Variants in ADAMTS9 observed in about 807,000 individuals in gnomAD.
The protein encoded by ADAMTS9 is A disintegrin and metalloproteinase with thrombospondin motifs 9.
A neutral mutation model predicts 257.1 loss-of-function variants in ADAMTS9; 107 were observed. The observed-to-expected ratio is 0.42, with a 90% confidence interval of 0.36 to 0.49. The LOEUF is 0.49. Ranked by LOEUF, ADAMTS9 falls within the 20% of genes least tolerant of loss-of-function variation. ADAMTS9 has a pLI of 0.03. For synonymous variants in ADAMTS9, 982 were observed against 880.9 expected, an observed-to-expected ratio of 1.11 and a Z score of -2.03; for missense variants, 2,353 against 2,469.1, an observed-to-expected ratio of 0.95 and a Z score of 1.00.
rs1701048961 is a variant in ADAMTS9, at chr3:64,655,613, C to T, written c.1132G>A (p.Gly378Ser). 6.2e-7 allele frequency: 1 copy of T among 1,614,056 alleles called. No individual in the cohort carries two copies. The highest frequency in any genetic ancestry group is 1.3e-5 in the African/African-American group (1 of 75,016). The change falls in exon 6 of 40, where the codon GGT becomes AGT. Residue 378 changes from glycine (G) to serine (S), a missense_variant. Gly to Ser is a moderately conservative substitution (Grantham distance 56). Around this residue, in one of 3 missense-constraint regions of ADAMTS9, gnomAD observed 591 missense variants for 569.6 expected, o/e 1.04. Coordinates refer to ENST00000498707, the MANE Select transcript of ADAMTS9 (RefSeq NM_182920.2). ...ACAGCAGTATCATGATGGATTCCACCTGGACTGTTCTTCGAATGCTGCCAC... is the reference window on the plus strand; with the variant it reads ...ACAGCAGTATCATGATGGATTCCACTTGGACTGTTCTTCGAATGCTGCCAC... ...CQWQHSKNSPGGIHHDTAVLL... is the reference protein window; with the variant it reads ...CQWQHSKNSPSGIHHDTAVLL...
intron 38 of ADAMTS9, among the ~76,000 whole-genome samples, chr3:64,526,049 A>T (rs4688474): frequency 0.68 from 99,584 of 146,700 alleles, 38,094 homozygotes; most frequent in Non-Finnish European, 0.86. Context: ...TTATAATCTT[A>T]TGTGTGATAT....
rs2083115217 is a variant in ADAMTS9, at chr3:64,541,094, C to T, written c.5521+1G>A. The T allele has an allele frequency of 1.2e-6, 2 of 1,613,928 alleles. No individual in the cohort carries two copies. Among genetic ancestry groups the T allele is most frequent in the Non-Finnish European group, 1.7e-6 (2 of 1,179,842 alleles). On this transcript the variant is annotated splice_donor_variant, in intron 36 of 39. Coordinates refer to ENST00000498707, the MANE Select transcript of ADAMTS9 (RefSeq NM_182920.2). LOFTEE classifies it high-confidence loss of function. The stretch of plus-strand genomic sequence containing the variant: ...TCCCAAAGGACTCCTCACTAACTTA[C>T]TGATTATCTGCATGCTGGTCAGGTC...
chr3:64,677,004 T>C (rs572881953), intron 3 of ADAMTS9, among the ~76,000 whole-genome samples: 1 of 152,242 alleles, frequency 6.6e-6, no homozygotes. Context: ...TTGTGCAAAA[T>C]TCAGGGTCAA....
chr3:64,631,719 A>T, intron 15 of ADAMTS9, 89 bp downstream of exon 15: 1 of 1,293,058 alleles, frequency 7.7e-7, no homozygotes, highest in South Asian at 1.2e-5. Context: ...TTTATGCTCG[A>T]CATTAATATT....
chr3:64,639,601 T>C (rs147591523), intron 12 of ADAMTS9, among the ~76,000 whole-genome samples: 1 of 152,290 alleles, frequency 6.6e-6, no homozygotes, highest in East Asian at 1.9e-4. Flanking sequence ...GAATGGAATA[T>C]CCTTGAGTCA....
intron 31 of ADAMTS9, among the ~76,000 whole-genome samples, chr3:64,548,657 G>A (rs2083232568): frequency 6.6e-6 from 1 of 152,132 alleles, no homozygotes; most frequent in African/African-American, 2.4e-5. Flanking sequence ...AATATGGTCA[G>A]GCTAAACACA....
At chr3:64,637,917 T>C (rs1456048529) in intron 12 of ADAMTS9, among the ~76,000 whole-genome samples, 2 of 152,214 alleles carry the variant, frequency 1.3e-5, no homozygotes, top group African/African-American at 4.8e-5. Flanking sequence ...TAACCAATTC[T>C]CAACATTTCG....
intron 11 of ADAMTS9, among the ~76,000 whole-genome samples, chr3:64,647,178 T>A (rs570017471): frequency 4.3e-4 from 65 of 152,126 alleles, no homozygotes; most frequent in African/African-American, 1.5e-3. Flanking sequence ...AAGTTACAGA[T>A]AGAATGCCAA....
At chr3:64,658,865 T>A (rs1701154107) in intron 3 of ADAMTS9, 74 bp from the exon 4 acceptor site, 1 of 1,452,876 alleles carries the variant, frequency 6.9e-7, no homozygotes, top group East Asian at 2.3e-5. Flanking sequence ...ATTTGACACA[T>A]TTTAAATTGA....
intron 39 of ADAMTS9, among the ~76,000 whole-genome samples, chr3:64,518,728 C>G (rs1360109538): frequency 6.8e-6 from 1 of 146,126 alleles, no homozygotes; most frequent in Non-Finnish European, 1.5e-5. Context: ...GTAGGACACT[C>G]TGAGTTCTGC....
Position 64,621,137 on chromosome 3 carries a change from G to C in ADAMTS9, c.2790C>G (p.Pro930=). The change falls in exon 19 of 40, where the codon CCC becomes CCG. Residue 930 remains proline (P), a synonymous_variant. Coordinates refer to ENST00000498707, the MANE Select transcript of ADAMTS9 (RefSeq NM_182920.2). ...ACCTCAGGTCACAGTCTGTACCACA[G>C]GGTTCAGTAATGTGTCCAGGCTGGG... The part of the protein sequence containing the change: ...RLPQPGHITE[P]CGTDCDLRWH... The C allele has an allele frequency of 6.2e-7, 1 of 1,613,636 alleles. No homozygotes were observed. Among genetic ancestry groups the C allele is most frequent in the Non-Finnish European group, 8.5e-7 (1 of 1,179,760 alleles).
At chr3:64,626,616 C>T (rs1700227752) in intron 16 of ADAMTS9, among the ~76,000 whole-genome samples, 1 of 152,108 alleles carries the variant, frequency 6.6e-6, no homozygotes, top group African/African-American at 2.4e-5. Flanking sequence ...GTAATGGGTA[C>T]TCTAAAAGCT....
chr3:64,670,303 A>C (rs1268209496), intron 3 of ADAMTS9, among the ~76,000 whole-genome samples: 1 of 152,188 alleles, frequency 6.6e-6, no homozygotes, highest in Non-Finnish European at 1.5e-5. Flanking sequence ...CAAAAAGTAC[A>C]CTGGTTGGAC....
At chr3:64,660,040 C>G (rs1017331541) in intron 3 of ADAMTS9, among the ~76,000 whole-genome samples, 3 of 152,240 alleles carry the variant, frequency 2.0e-5, no homozygotes, top group East Asian at 3.9e-4. Flanking sequence ...GCATCATCAA[C>G]TATGCAATAA....
At chr3:64,671,555 A>G (rs1331986754) in intron 3 of ADAMTS9, among the ~76,000 whole-genome samples, 3 of 152,258 alleles carry the variant, frequency 2.0e-5, no homozygotes, top group East Asian at 1.9e-4. Context: ...TCTCAAGCCA[A>G]TAACATTAAC....
At chr3:64,626,286 C>T (rs1360656794) in intron 16 of ADAMTS9, among the ~76,000 whole-genome samples, 1 of 152,122 alleles carries the variant, frequency 6.6e-6, no homozygotes, top group South Asian at 2.1e-4. Context: ...CAGGTGGCTC[C>T]TAATCATGGA....
intron 22 of ADAMTS9, among the ~76,000 whole-genome samples, chr3:64,608,165 C>G (rs1205791522): frequency 1.6e-5 from 2 of 124,272 alleles, no homozygotes; most frequent in Non-Finnish European, 3.1e-5. Context: ...AACACCTACA[C>G]TAATAAAGAA....
intron 39 of ADAMTS9, among the ~76,000 whole-genome samples, chr3:64,519,869 C>T (rs1162882629): frequency 1.3e-5 from 2 of 152,044 alleles, no homozygotes; most frequent in African/African-American, 4.8e-5. Context: ...AAGCATTCCT[C>T]CTAAGAATGG....
chr3:64,542,715 C>G (rs1446165360), intron 32 of ADAMTS9, among the ~76,000 whole-genome samples: 2 of 152,012 alleles, frequency 1.3e-5, no homozygotes, highest in Non-Finnish European at 2.9e-5. Context: ...ACTAGAGAAG[C>G]AAGAACAAAC....
Sources: gnomAD v4.1 joint callset for allele counts (sites outside exome capture counted in the v4.1 genomes callset) on GRCh38, gnomAD v4.1.1 for gene constraint, gnomAD v4.1.1 regional missense constraint, MANE v1.5 for transcripts, NCBI Gene and HGNC (gene_info 2026-07-23, HGNC 2026-07-21) for gene names.